P2RY11: variants seen among roughly 807,000 people sequenced by gnomAD.
P2RY11 encodes purinergic receptor P2Y11, also known as P2Y purinoceptor 11.
A neutral mutation model predicts 2.4 loss-of-function variants in P2RY11; 3 were observed. That is an observed-to-expected ratio of 1.22 (90% CI 0.56 to 3.17). The LOEUF (loss-of-function observed/expected upper bound fraction) is 3.17, where lower values mean the gene tolerates loss of function less well. Ranked by LOEUF, P2RY11 falls within the 30% of genes most tolerant of loss-of-function variation. The probability of loss-of-function intolerance (pLI) is 0.03; values close to 1 mark genes in which losing one functional copy is unlikely to be tolerated. For missense variants in P2RY11, 670 were observed against 528.2 expected, an observed-to-expected ratio of 1.27 and a Z score of -2.63; for synonymous variants, 307 against 237.3, an observed-to-expected ratio of 1.29 and a Z score of -2.70.
chr19:10,113,488 T>G, intron 1 of P2RY11, 145 bp from the exon 2 acceptor site: 7 of 1,229,558 alleles, frequency 5.7e-6, no homozygotes, highest in Non-Finnish European at 7.8e-6. Context: ...CCTGTCCACA[T>G]AAAGGAGTGG....
chr19:10,115,005 A>C lies in P2RY11; in HGVS notation c.*267A>C. 1 of 1,546,952 alleles carries C rather than the reference A, an allele frequency of 6.5e-7. No individual in the cohort carries two copies. Among genetic ancestry groups the C allele is most frequent in the Non-Finnish European group, 8.8e-7 (1 of 1,132,178 alleles). Reference sequence around the variant, plus strand: ...CAGGACTGGAGACGCAAGAACAAAAAGAACCAAGTAGAGAGAGTGGAGCTG... The same window carrying C: ...CAGGACTGGAGACGCAAGAACAAAACGAACCAAGTAGAGAGAGTGGAGCTG... On this transcript the variant is annotated 3_prime_UTR_variant, in exon 2 of 2. Transcript: ENST00000321826.
rs772294107 is a variant in P2RY11, at chr19:10,114,132, G to A, written c.519G>A (p.Pro173=). 8 of 1,600,852 alleles carry A rather than the reference G, an allele frequency of 5.0e-6. No homozygotes were observed. The highest frequency in any genetic ancestry group is 1.6e-4 in the Middle Eastern group (1 of 6,080). The change falls in exon 2 of 2, where the codon CCG becomes CCA. Residue 173 remains proline (P), a synonymous_variant. Coordinates refer to ENST00000321826, the MANE Select transcript of P2RY11 (RefSeq NM_002566.5). ...TCAGCTTCTCCCACCTGAAGAGGCC[G>A]CAGCAGGGGGCGGGCAACTGCAGCG... The part of the protein sequence containing the change: ...PTLSFSHLKR[P]QQGAGNCSVA...
Position 10,115,058 on chromosome 19 carries a change from C to A in P2RY11, c.*320C>A, listed in dbSNP as rs994732666. On this transcript the variant is annotated 3_prime_UTR_variant, in exon 2 of 2. Transcript: ENST00000321826. ...TTATTGCCCTTGGAGCCCGCGCTCT[C>A]GGAGGCTGTCTTCTGTCGCCAAGGG... The A allele has an allele frequency of 1.2e-6, 2 of 1,612,188 alleles. No individual in the cohort carries two copies. The highest frequency in any genetic ancestry group is 2.2e-5 in the East Asian group (1 of 44,854).
rs781378023 is a variant in P2RY11 at position 10,114,307 on chromosome 19, G to C, written c.694G>C (p.Val232Leu). Residue 232 changes from valine to leucine, a missense_variant, in exon 2 of 2, where the codon GTG (valine) becomes CTG (leucine). Coordinates refer to ENST00000321826, the MANE Select transcript of P2RY11 (RefSeq NM_002566.5). The stretch of plus-strand genomic sequence containing the variant: ...AGCCTACGGCGCCCTCGGGCGGGCC[G>C]TGCTACGCAGCCCAGGCATGACTGT... ...LAAYGALGRA[V>L]LRSPGMTVAE... 1 of 1,598,158 alleles carries C rather than the reference G, an allele frequency of 6.3e-7. No homozygotes were observed. The highest frequency in any genetic ancestry group is 1.7e-5 in the Admixed American group (1 of 59,888).
In P2RY11 at chr19:10,114,133, C is replaced by T; in HGVS notation, c.520C>T (p.Gln174Ter). 1.2e-6 allele frequency: 2 copies of T among 1,601,106 alleles called. No individual in the cohort carries two copies. Among genetic ancestry groups the T allele is most frequent in the Non-Finnish European group, 1.7e-6 (2 of 1,179,632 alleles). ...TLSFSHLKRP[Q>*]QGAGNCSVAR... Reference sequence around the variant, plus strand: ...CAGCTTCTCCCACCTGAAGAGGCCGCAGCAGGGGGCGGGCAACTGCAGCGT... The same window carrying T: ...CAGCTTCTCCCACCTGAAGAGGCCGTAGCAGGGGGCGGGCAACTGCAGCGT... Residue 174 changes from glutamine (Q) to a stop codon, truncating the protein, a stop_gained, in exon 2 of 2, where the codon CAG (glutamine) becomes TAG (stop). Coordinates refer to ENST00000321826, the MANE Select transcript of P2RY11 (RefSeq NM_002566.5). LOFTEE classifies it low-confidence loss of function (END_TRUNC).
intron 1 of P2RY11, chr19:10,112,057 C>T (rs899281630): frequency 3.2e-6 from 1 of 313,324 alleles, no homozygotes; most frequent in African/African-American, 2.2e-5. Flanking sequence ...TTGCCATGAG[C>T]CGAGATTGCA....
In P2RY11 at chr19:10,113,626, C is replaced by G; in HGVS notation, c.20-7C>G. ...AGGGCTCAGCTGGTGACACCTTCTG[C>G]CCACAGGTGCCAAGTCCTGCCCTGC... On this transcript the variant is annotated splice_region_variant and splice_polypyrimidine_tract_variant and intron_variant, in intron 1 of 1. Transcript: ENST00000321826. 1 of 1,605,374 alleles carries G rather than the reference C, an allele frequency of 6.2e-7. No individual in the cohort carries two copies.
rs770413675 is a variant in P2RY11 at position 10,111,694 on chromosome 19, GAC to G, written c.-24_-23del. The G allele has an allele frequency of 3.1e-6, 5 of 1,613,596 alleles. No individual in the cohort carries two copies. The highest frequency in any genetic ancestry group is 2.2e-5 in the East Asian group (1 of 44,900). On this transcript the variant is annotated 5_prime_UTR_variant, in exon 1 of 2. Transcript: ENST00000321826. ...GGAGGGGCTGGGGAACTGGGTAGCA[GAC>G]ACAGGCTGAGGATCGGCACGGGAGC... is the stretch of plus-strand genomic sequence containing the variant.
At position 10,113,681 on chromosome 19, in the gene P2RY11, T is replaced by C; in HGVS notation, c.68T>C (p.Leu23Pro). The C allele has an allele frequency of 8.8e-6, 14 of 1,590,858 alleles. No homozygotes were observed. The highest frequency in any genetic ancestry group is 6.9e-5 in the East Asian group (3 of 43,514). Residue 23 changes from leucine (L) to proline (P), a missense_variant, in exon 2 of 2, where the codon CTC (leucine) becomes CCC (proline). Coordinates refer to ENST00000321826, the MANE Select transcript of P2RY11 (RefSeq NM_002566.5). ...TTCTTGGCAGCTGCCGACGACAAAC[T>C]CAGTGGGTTCCAGGGGGACTTCCTG... ...ANFLAAADDK[L>P]SGFQGDFLWP...
At position 10,115,196 on chromosome 19, in the gene P2RY11, G is replaced by A. The variant is rs1007608707; in HGVS notation, c.*458G>A. The A allele has an allele frequency of 3.4e-5, 54 of 1,589,304 alleles. No homozygotes were observed. Among genetic ancestry groups the A allele is most frequent in the Non-Finnish European group, 4.6e-5 (53 of 1,164,608 alleles). ...ACCCCAAGACCCCAGACACCCAAGT[G>A]GCATCTTGGGGGTGGGTGGGCAGAG... On this transcript the variant is annotated 3_prime_UTR_variant, in exon 2 of 2. Transcript: ENST00000321826.
chr19:10,114,551 C>T lies in P2RY11; in HGVS notation c.938C>T (p.Ala313Val), dbSNP rs1555763891. Residue 313 changes from alanine (A) to valine (V), a missense_variant, in exon 2 of 2, where the codon GCC becomes GTC. Physicochemically the swap from Ala to Val is moderately conservative, Grantham distance 64. Coordinates refer to ENST00000321826, the MANE Select transcript of P2RY11 (RefSeq NM_002566.5). The stretch of plus-strand genomic sequence containing the variant: ...GTGATGCGGGGCCTCATGCCCCTGG[C>T]CTTCTGTGTCCACCCTCTACTCTAC... ...YQVMRGLMPL[A>V]FCVHPLLYMA... 15 of 1,612,818 alleles carry T rather than the reference C, an allele frequency of 9.3e-6. No homozygotes were observed. Among genetic ancestry groups the T allele is most frequent in the Non-Finnish European group, 1.2e-5 (14 of 1,179,432 alleles).
Position 10,114,533 on chromosome 19 carries a change from G to C in P2RY11, c.920G>C (p.Arg307Pro), listed in dbSNP as rs555102597. 1.2e-6 allele frequency: 2 copies of C among 1,611,184 alleles called. No homozygotes were observed. The highest frequency in any genetic ancestry group is 1.7e-6 in the Non-Finnish European group (2 of 1,178,346). ...CCCTACGTGGGCTACCAGGTGATGC[G>C]GGGCCTCATGCCCCTGGCCTTCTGT... The part of the protein sequence containing the change: ...LGPYVGYQVM[R>P]GLMPLAFCVH... The change falls in exon 2 of 2, where the codon CGG (arginine) becomes CCG (proline). Residue 307 changes from arginine to proline, a missense_variant. By Grantham distance (103) the Arg-to-Pro change is moderately radical (BLOSUM62 -2). Coordinates refer to ENST00000321826, the MANE Select transcript of P2RY11 (RefSeq NM_002566.5).
Position 10,115,255 on chromosome 19 carries a change from G to A in P2RY11, c.*517G>A, listed in dbSNP as rs2089221450. 1.6e-6 allele frequency: 2 copies of A among 1,279,746 alleles called. No homozygotes were observed. The highest frequency in any genetic ancestry group is 2.2e-6 in the Non-Finnish European group (2 of 926,424). The allele number at this position is 1,279,746 out of a possible 1,614,324, so 79.3% of individuals were successfully genotyped here. On this transcript the variant is annotated 3_prime_UTR_variant, in exon 2 of 2. Coordinates refer to ENST00000321826, the MANE Select transcript of P2RY11 (RefSeq NM_002566.5). Reference sequence around the variant, plus strand: ...AATGTGAGGACGAAGCGGGCACGGAGCCAGATGGCCAGTCTCCAGGCCTGG... The same window carrying A: ...AATGTGAGGACGAAGCGGGCACGGAACCAGATGGCCAGTCTCCAGGCCTGG...
rs767332673 is a variant in P2RY11, at chr19:10,114,551, CCTT to C, written c.941_943del (p.Phe314del). 1.2e-6 allele frequency: 2 copies of C among 1,612,818 alleles called. No individual in the cohort carries two copies. The highest frequency in any genetic ancestry group is 2.7e-5 in the African/African-American group (2 of 74,916). ...GTGATGCGGGGCCTCATGCCCCTGG[CCTT>C]CTGTGTCCACCCTCTACTCTACATG... On this transcript the variant is annotated inframe_deletion, in exon 2 of 2. Coordinates refer to ENST00000321826, the MANE Select transcript of P2RY11 (RefSeq NM_002566.5).
At position 10,115,223 on chromosome 19, in the gene P2RY11, A is replaced by T; in HGVS notation, c.*485A>T. ...CATCTTGGGGGTGGGTGGGCAGAGG[A>T]CGGGGTAATGTGAGGACGAAGCGGG... On this transcript the variant is annotated 3_prime_UTR_variant, in exon 2 of 2. Transcript: ENST00000321826. 6.6e-7 allele frequency: 1 copy of T among 1,509,998 alleles called. No homozygotes were observed. Among genetic ancestry groups the T allele is most frequent in the South Asian group, 1.2e-5 (1 of 82,766 alleles). The allele number at this position is 1,509,998 out of a possible 1,614,324, so 93.5% of individuals were successfully genotyped here.
At chr19:10,112,672 C>T (rs2089131170) in intron 1 of P2RY11, among the ~76,000 whole-genome samples, 1 of 152,066 alleles carries the variant, frequency 6.6e-6, no homozygotes, top group African/African-American at 2.4e-5. Context: ...GGCACGGTGG[C>T]TCACACTTGT....
Position 10,114,877 on chromosome 19 carries a change from G to T in P2RY11, c.*139G>T. ...CAGGTCAGGCCCAGCTGCAGCCCAG[G>T]CAGGAGCAGTCGCCTTTCCCACCCA... On this transcript the variant is annotated 3_prime_UTR_variant, in exon 2 of 2. Coordinates refer to ENST00000321826, the MANE Select transcript of P2RY11 (RefSeq NM_002566.5). The T allele has an allele frequency of 6.9e-7, 1 of 1,447,078 alleles. No individual in the cohort carries two copies. The highest frequency in any genetic ancestry group is 9.2e-7 in the Non-Finnish European group (1 of 1,086,488). 89.6% of individuals were successfully genotyped at this position (1,447,078 alleles called of 1,614,324 possible).
At position 10,114,291 on chromosome 19, in the gene P2RY11, C is replaced by T. The variant is rs539571821; in HGVS notation, c.678C>T (p.Gly226=). 6.4e-5 allele frequency: 103 copies of T among 1,597,680 alleles called. 1 individual carries two copies. Among genetic ancestry groups the T allele is most frequent in the South Asian group, 2.5e-4 (23 of 90,944 alleles). ...LPLLLTLAAY[G]ALGRAVLRSP... is the part of the protein sequence containing the mutation. ...TGCTGCTCACGCTGGCAGCCTACGG[C>T]GCCCTCGGGCGGGCCGTGCTACGCA... The change falls in exon 2 of 2, where the codon GGC becomes GGT. Residue 226 remains glycine, a synonymous_variant. Coordinates refer to ENST00000321826, the MANE Select transcript of P2RY11 (RefSeq NM_002566.5).
chr19:10,114,968 T>C lies in P2RY11; in HGVS notation c.*230T>C. The C allele has an allele frequency of 2.1e-6, 3 of 1,430,906 alleles. No individual in the cohort carries two copies. Among genetic ancestry groups the C allele is most frequent in the South Asian group, 1.2e-5 (1 of 81,648 alleles). The allele number at this position is 1,430,906 out of a possible 1,614,324, so 88.6% of individuals were successfully genotyped here. On this transcript the variant is annotated 3_prime_UTR_variant, in exon 2 of 2. Transcript: ENST00000321826. The stretch of plus-strand genomic sequence containing the variant: ...ACCACGCCCAGAGGAGGGGAGGCAC[T>C]GGCCCCCGCCACAGGACTGGAGACG...
Sources: gnomAD v4.1 joint callset for allele counts (sites outside exome capture counted in the v4.1 genomes callset) on GRCh38, gnomAD v4.1.1 for gene constraint, MANE v1.5 for transcripts, NCBI Gene and HGNC (gene_info 2026-07-23, HGNC 2026-07-21) for gene names.